The following HPCAL1 variants were observed in gnomAD, a reference collection of about 807,000 sequenced individuals.
The protein encoded by HPCAL1 is hippocalcin-like protein 1.
HPCAL1 carries 8 observed loss-of-function variants against 17.1 expected under a neutral mutation model. The observed-to-expected ratio is 0.47, with a 90% CI of 0.27 to 0.84. HPCAL1 has a LOEUF of 0.84. Ranked by LOEUF, HPCAL1 falls within the 40% of genes least tolerant of loss-of-function variation. The pLI is 0.13. For missense variants in HPCAL1, 165 were observed against 271.1 expected, an observed-to-expected ratio of 0.61 and a Z score of 2.75; for synonymous variants, 112 against 111.4, an observed-to-expected ratio of 1.01 and a Z score of -0.03.
chr2:10,364,932 A>G lies in HPCAL1; in HGVS notation c.-110-31903A>G, dbSNP rs1666755644. ...TTTTCTCCCTCTCTGAGGTAGGGGG[A>G]CCAAGCCCTCCTCCCCAAGCCCTGT... On this transcript the variant is annotated intron_variant, in intron 1 of 4. Transcript: ENST00000307845. Among the ~76,000 whole-genome samples the G allele has an allele frequency of 2.6e-5, 4 of 151,648 alleles. No homozygotes were observed. In the South Asian group the frequency reaches 8.3e-4, roughly 32 times the overall value.
intron 1 of HPCAL1, among the ~76,000 whole-genome samples, chr2:10,315,155 T>C (rs772365991): frequency 2.6e-4 from 40 of 151,768 alleles, no homozygotes; most frequent in Non-Finnish European, 5.2e-4. Context: ...TAGCCGGGCG[T>C]GGTGGCGGGT....
At position 10,344,663 on chromosome 2, in the gene HPCAL1, T is replaced by G. The variant is rs1172400210; in HGVS notation, c.-111+41486T>G. ...GGGCGTCCCACACTCCACAGTACTC[T>G]GCTCCCCCTTCCCTTCCTCCCAGGA... On this transcript the variant is annotated intron_variant, in intron 1 of 4. Coordinates refer to ENST00000307845, the MANE Select transcript of HPCAL1 (RefSeq NM_002149.4). The surrounding 1 kb of genome is among the most constrained non-coding windows in gnomAD (Gnocchi z 4.9). Among the ~76,000 whole-genome samples, 1 of 152,230 alleles carries G rather than the reference T, an allele frequency of 6.6e-6. No homozygotes were observed. The highest frequency in any genetic ancestry group is 1.5e-5 in the Non-Finnish European group (1 of 68,044).
At position 10,322,262 on chromosome 2, in the gene HPCAL1, A is replaced by T. The variant is rs181624630; in HGVS notation, c.-111+19085A>T. 9.1e-4 allele frequency among the ~76,000 whole-genome samples: 139 copies of T among 152,224 alleles called. 3 individuals carry two copies. Among genetic ancestry groups the T allele is most frequent in the Non-Finnish European group, 1.5e-5 (1 of 68,012 alleles). ...CGTCTTGAACTCCTGGGCTTAAGTG[A>T]TCCTCCCAAGTTAGCCTTATAAAGT... On this transcript the variant is annotated intron_variant, in intron 1 of 4. Transcript: ENST00000307845.
At chr2:10,380,515 G>A (rs1667873159) in intron 1 of HPCAL1, among the ~76,000 whole-genome samples, 1 of 152,210 alleles carries the variant, frequency 6.6e-6, no homozygotes, top group African/African-American at 2.4e-5. Flanking sequence ...AGCTGGGGGT[G>A]CTGACTGCCA....
Position 10,377,102 on chromosome 2 carries a change from A to G in HPCAL1, c.-110-19733A>G, listed in dbSNP as rs1667618676. 6.6e-6 allele frequency among the ~76,000 whole-genome samples: 1 copy of G among 152,102 alleles called. No homozygotes were observed. The highest frequency in any genetic ancestry group is 2.4e-5 in the African/African-American group (1 of 41,408). On this transcript the variant is annotated intron_variant, in intron 1 of 4. Transcript: ENST00000307845. This position sits in a 1 kb window ranked among gnomAD's most constrained non-coding sequence, Gnocchi z 5.9. ...TATTAAAATCATCCCTTGTGGCCCA[A>G]ATTTGAAGGCAGTACTCTGTTCCTG...
chr2:10,318,799 C>T (rs1414487719), intron 1 of HPCAL1, among the ~76,000 whole-genome samples: 1 of 152,146 alleles, frequency 6.6e-6, no homozygotes, highest in Non-Finnish European at 1.5e-5. Flanking sequence ...GGGTAGTGAA[C>T]AGGCCATCCT....
At chr2:10,338,148 GA>G (rs1368895297) in intron 1 of HPCAL1, among the ~76,000 whole-genome samples, 1 of 152,114 alleles carries the variant, frequency 6.6e-6, no homozygotes, top group African/African-American at 2.4e-5. Flanking sequence ...TAAAGAGACA[GA>G]AAATAGATTC....
intron 1 of HPCAL1, among the ~76,000 whole-genome samples, chr2:10,337,278 T>G (rs1664780982): frequency 6.6e-6 from 1 of 152,172 alleles, no homozygotes; most frequent in African/African-American, 2.4e-5. Flanking sequence ...CTTTCGTGTC[T>G]TCGTGCCTCC....
At chr2:10,399,227 C>CGCT (rs1558517398) in intron 2 of HPCAL1, among the ~76,000 whole-genome samples, 2 of 144,388 alleles carry the variant, frequency 1.4e-5, no homozygotes, top group Non-Finnish European at 3.0e-5. Flanking sequence ...CCACCACCAC[C>CGCT]ACCACCACCA....
chr2:10,308,137 C>G (rs1291949887), intron 1 of HPCAL1, among the ~76,000 whole-genome samples: 1 of 152,018 alleles, frequency 6.6e-6, no homozygotes. Flanking sequence ...ACCCTCTAAG[C>G]TGATACCTGG....
intron 1 of HPCAL1, among the ~76,000 whole-genome samples, chr2:10,326,738 A>C (rs1664042489): frequency 6.6e-6 from 1 of 152,184 alleles, no homozygotes; most frequent in Non-Finnish European, 1.5e-5. Flanking sequence ...TCATGAGCAC[A>C]GGGTGTGGGT....
intron 2 of HPCAL1, among the ~76,000 whole-genome samples, chr2:10,411,789 C>A (rs1273406657): frequency 1.3e-5 from 2 of 152,186 alleles, no homozygotes; most frequent in African/African-American, 4.8e-5. Flanking sequence ...ATCCTCCAGT[C>A]CCCTGCTCGG....
intron 1 of HPCAL1, among the ~76,000 whole-genome samples, chr2:10,373,904 C>T (rs530713101): frequency 4.6e-5 from 7 of 152,330 alleles, no homozygotes; most frequent in African/African-American, 9.6e-5. Flanking sequence ...CCAGACAACC[C>T]GGCCATCACA....
rs1416025869 is a variant in HPCAL1, at chr2:10,322,903, T to C, written c.-111+19726T>C. Among the ~76,000 whole-genome samples the C allele has an allele frequency of 1.3e-5, 2 of 152,224 alleles. 1 individual carries two copies. ...TGTTGTTTGCAGCCAAATGCATTCCTCATTGATGGAATGTCCAACATTGTC... is the reference window on the plus strand; with the variant it reads ...TGTTGTTTGCAGCCAAATGCATTCCCCATTGATGGAATGTCCAACATTGTC... On this transcript the variant is annotated intron_variant, in intron 1 of 4. Coordinates refer to ENST00000307845, the MANE Select transcript of HPCAL1 (RefSeq NM_002149.4).
chr2:10,326,767 C>T (rs1479764720), intron 1 of HPCAL1, among the ~76,000 whole-genome samples: 3 of 152,210 alleles, frequency 2.0e-5, no homozygotes, highest in Non-Finnish European at 4.4e-5. Context: ...TCCCTTTGGG[C>T]AGAATCTGAG....
chr2:10,375,704 GATC>G (rs1302240102), intron 1 of HPCAL1, among the ~76,000 whole-genome samples: 2 of 152,194 alleles, frequency 1.3e-5, no homozygotes, highest in African/African-American at 2.4e-5. Flanking sequence ...CAGGGACAGG[GATC>G]ATACCTTTCT....
At chr2:10,399,590 C>T (rs989950558) in intron 2 of HPCAL1, among the ~76,000 whole-genome samples, 2 of 139,174 alleles carry the variant, frequency 1.4e-5, no homozygotes, top group African/African-American at 2.7e-5. Context: ...CCACCGCCAC[C>T]GCCACCACCA....
In HPCAL1 at chr2:10,331,506, G is replaced by A. The variant is rs1664376150; in HGVS notation, c.-111+28329G>A. On this transcript the variant is annotated intron_variant, in intron 1 of 4. Coordinates refer to ENST00000307845, the MANE Select transcript of HPCAL1 (RefSeq NM_002149.4). This position sits in a 1 kb window ranked among gnomAD's most constrained non-coding sequence, Gnocchi z 5.0. ...CCTTGCTGGTGGAACGGATGCAGCA[G>A]CGAGGTTTTCCGGGGCAGGAACACC... 1.3e-5 allele frequency among the ~76,000 whole-genome samples: 2 copies of A among 152,196 alleles called. No individual in the cohort carries two copies. The highest frequency in any genetic ancestry group is 4.1e-4 in the South Asian group (2 of 4,834).
intron 1 of HPCAL1, among the ~76,000 whole-genome samples, chr2:10,388,424 A>C (rs1417131518): frequency 3.3e-5 from 5 of 152,036 alleles, no homozygotes; most frequent in Non-Finnish European, 5.9e-5. Flanking sequence ...GAGCTGTTTT[A>C]TTTTCCTTCC....
Sources: gnomAD v4.1 joint callset for allele counts (sites outside exome capture counted in the v4.1 genomes callset) on GRCh38, gnomAD v4.1.1 for gene constraint, Gnocchi (gnomAD v3.1) non-coding constraint, MANE v1.5 for transcripts, NCBI Gene and HGNC (gene_info 2026-07-23, HGNC 2026-07-21) for gene names.